LIMS2: variants seen among roughly 807,000 people sequenced by gnomAD.
The protein encoded by LIMS2 is LIM zinc finger domain containing 2.
In LIMS2, 30 loss-of-function variants were observed where a neutral mutation model predicts 45.3. That is an observed-to-expected ratio of 0.66 (90% CI 0.50 to 0.90). The LOEUF is 0.90. LIMS2 is among the 40% of genes least tolerant of loss of function. The pLI, the probability that LIMS2 is intolerant of heterozygous loss-of-function variation, is 0.00. For missense variants in LIMS2, 485 were observed against 468.7 expected, an observed-to-expected ratio of 1.03 and a Z score of -0.32; for synonymous variants, 173 against 188.0, an observed-to-expected ratio of 0.92 and a Z score of 0.65.
chr2:127,655,212 A>G, intron 2 of LIMS2: 1 of 479,264 alleles, frequency 2.1e-6, no homozygotes, highest in Non-Finnish European at 3.8e-6. Flanking sequence ...GGCGGTTTTA[A>G]GCCAGGAGGG....
chr2:127,667,584 G>A lies in LIMS2; in HGVS notation c.11+7430C>T, dbSNP rs897850127. On this transcript the variant is annotated intron_variant, in intron 1 of 9. Transcript: ENST00000355119. This position sits in a 1 kb window ranked among gnomAD's most constrained non-coding sequence, Gnocchi z 4.1. ...ATATACCATATCAATAGAATATAGG[G>A]AGGACACTCTATGACCATCTCAACA... Among the ~76,000 whole-genome samples the A allele has an allele frequency of 4.6e-5, 7 of 152,182 alleles. No individual in the cohort carries two copies. The highest frequency in any genetic ancestry group is 1.4e-4 in the African/African-American group (6 of 41,432).
chr2:127,643,932 T>C (rs1682685035), intron 4 of LIMS2: 1 of 414,256 alleles, frequency 2.4e-6, no homozygotes, highest in African/African-American at 2.0e-5. Context: ...ACGCCCAGTG[T>C]TGGCCCCTCT....
In LIMS2 at chr2:127,657,508, G is replaced by C. The variant is rs774372976; in HGVS notation, c.66C>G (p.Phe22Leu). The C allele has an allele frequency of 1.2e-6, 2 of 1,613,074 alleles. No individual in the cohort carries two copies. The highest frequency in any genetic ancestry group is 4.5e-5 in the East Asian group (2 of 44,888). ...TGTTGACAATGCGCTCGGCGGGGGA[G>C]AAGCGGGCCTGGCAGCGCTGGCACA... Reference protein sequence around the residue: ...NAVCQRCQARFSPAERIVNSN... With the variant: ...NAVCQRCQARLSPAERIVNSN... Residue 22 changes from phenylalanine (F) to leucine (L), a missense_variant, in exon 2 of 10, where the codon TTC (phenylalanine) becomes TTG (leucine). Phe to Leu is a conservative substitution (Grantham distance 22). Coordinates refer to ENST00000355119, the MANE Select transcript of LIMS2 (RefSeq NM_001161403.3).
chr2:127,654,935 T>C (rs751788605), intron 2 of LIMS2, 39 bp from the exon 3 acceptor site: 1 of 1,587,566 alleles, frequency 6.3e-7, no homozygotes, highest in Non-Finnish European at 8.6e-7. Flanking sequence ...GCAAACCACC[T>C]ATCATCCCCA....
chr2:127,650,707 T>A (rs775068222), intron 4 of LIMS2: 1 of 1,587,634 alleles, frequency 6.3e-7, no homozygotes, highest in South Asian at 1.1e-5. Flanking sequence ...GTTTGCTTGT[T>A]CCCTCCAGGC....
intron 6 of LIMS2, chr2:127,641,270 C>CCGGCG: frequency 3.3e-6 from 1 of 307,274 alleles, no homozygotes; most frequent in Non-Finnish European, 6.2e-6. Context: ...CCTTGTGAGT[C>CCGGCG]ACCATCCCCT....
rs762411046 is a variant in LIMS2, at chr2:127,654,792, C to T, written c.238+38G>A. 6 of 1,606,724 alleles carry T rather than the reference C, an allele frequency of 3.7e-6. No homozygotes were observed. In the South Asian group the frequency reaches 6.6e-5, roughly 18 times the overall value. On this transcript the variant is annotated intron_variant, in intron 3 of 9. Transcript: ENST00000355119. ...TGCCCCCCGCCACTGCTGCCCACTT[C>T]CCAGGCAGCCCAGGATGTGTACTGT...
Position 127,649,446 on chromosome 2 carries a change from G to A in LIMS2, c.359+4978C>T, listed in dbSNP as rs566387858. ...GATGGTGGATACTGGGAAGCCAGGT[G>A]CCCAGAGGAGCCCCAGAAGCTGTGC... On this transcript the variant is annotated intron_variant, in intron 4 of 9. Transcript: ENST00000355119. 1.6e-3 allele frequency among the ~76,000 whole-genome samples: 251 copies of A among 152,356 alleles called. 3 individuals are homozygous for A. Among genetic ancestry groups the A allele is most frequent in the African/African-American group, 5.7e-3 (237 of 41,590 alleles).
At chr2:127,673,583 G>T in intron 1 of LIMS2, 1 of 1,265,038 alleles carries the variant, frequency 7.9e-7, no homozygotes, top group Non-Finnish European at 1.1e-6. Flanking sequence ...AGGGAGCAGT[G>T]GCACCTCGGG....
intron 1 of LIMS2, chr2:127,673,724 T>C: frequency 6.4e-7 from 1 of 1,551,476 alleles, no homozygotes; most frequent in East Asian, 2.4e-5. Context: ...CCTGTTCCTG[T>C]CTCTCCCCAC....
At chr2:127,644,745 G>C (rs1296953940) in intron 4 of LIMS2, among the ~76,000 whole-genome samples, 1 of 152,204 alleles carries the variant, frequency 6.6e-6, no homozygotes, top group Non-Finnish European at 1.5e-5. Flanking sequence ...AATAACAGAA[G>C]GTCTGTGAGC....
chr2:127,677,989 T>C (rs1685539030), upstream of LIMS2, among the ~76,000 whole-genome samples: 1 of 152,148 alleles, frequency 6.6e-6, no homozygotes, highest in South Asian at 2.1e-4. The surrounding 1 kb of genome is among the most constrained non-coding windows in gnomAD (Gnocchi z 5.0). Context: ...TTGTTAAAAC[T>C]CATGGAATAT....
rs1327649639 is a variant in LIMS2, at chr2:127,639,171, A to G, written c.*110T>C. ...GGGAGAAGGCAATGAGGAAAGAGAA[A>G]GGGAGGGTAAGATGCGGAGGGCACA... On this transcript the variant is annotated 3_prime_UTR_variant, in exon 10 of 10. Coordinates refer to ENST00000355119, the MANE Select transcript of LIMS2 (RefSeq NM_001161403.3). 1.2e-5 allele frequency: 14 copies of G among 1,134,782 alleles called. No individual in the cohort carries two copies. Among genetic ancestry groups the G allele is most frequent in the Non-Finnish European group, 1.8e-5 (14 of 789,478 alleles). 70.3% of individuals were successfully genotyped at this position (1,134,782 alleles called of 1,614,324 possible).
chr2:127,660,192 C>G (rs1684526011), intron 1 of LIMS2, among the ~76,000 whole-genome samples: 1 of 152,198 alleles, frequency 6.6e-6, no homozygotes. Context: ...TTGGTAAAAA[C>G]TGACCAATCA....
intron 1 of LIMS2, among the ~76,000 whole-genome samples, chr2:127,663,352 G>T (rs530694383): frequency 6.6e-6 from 1 of 152,190 alleles, no homozygotes; most frequent in Non-Finnish European, 1.5e-5. Context: ...CAGCACAAGC[G>T]GGAGCCCAGC....
At chr2:127,665,691 T>G (rs1558899594) in intron 1 of LIMS2, among the ~76,000 whole-genome samples, 1 of 152,102 alleles carries the variant, frequency 6.6e-6, no homozygotes. Context: ...ACACCGAAAA[T>G]GTTCTTAACA....
Position 127,639,268 on chromosome 2 carries a change from C to T in LIMS2, c.*13G>A, listed in dbSNP as rs777006114. ...AGGCGGAGGGGCCGAGAGGCAGCTGCGCAAGAGGGCCTTCAGGCAGAGTTG... is the reference window on the plus strand; with the variant it reads ...AGGCGGAGGGGCCGAGAGGCAGCTGTGCAAGAGGGCCTTCAGGCAGAGTTG... On this transcript the variant is annotated 3_prime_UTR_variant, in exon 10 of 10. Coordinates refer to ENST00000355119, the MANE Select transcript of LIMS2 (RefSeq NM_001161403.3). The T allele has an allele frequency of 6.8e-6, 11 of 1,612,254 alleles. No individual in the cohort carries two copies. The highest frequency in any genetic ancestry group is 1.7e-4 in the Middle Eastern group (1 of 6,014).
Position 127,639,290 on chromosome 2 carries a change from G to A in LIMS2, c.1017C>T (p.Asn339=). 1.2e-6 allele frequency: 2 copies of A among 1,613,710 alleles called. No homozygotes were observed. The highest frequency in any genetic ancestry group is 1.7e-6 in the Non-Finnish European group (2 of 1,179,846). ...RKAQPKATDL[N]SA is the part of the protein sequence containing the mutation. ...CTGCGCAAGAGGGCCTTCAGGCAGA[G>A]TTGAGGTCTGTGGCCTTGGGCTGGG... Residue 339 remains asparagine, a synonymous_variant, in exon 10 of 10, where the codon AAC becomes AAT. Coordinates refer to ENST00000355119, the MANE Select transcript of LIMS2 (RefSeq NM_001161403.3).
Position 127,641,909 on chromosome 2 carries a change from A to G in LIMS2, c.660+140T>C, listed in dbSNP as rs1682449988. 4.1e-6 allele frequency: 4 copies of G among 986,278 alleles called. No homozygotes were observed. In the African/African-American group the frequency reaches 6.7e-5, roughly 16 times the overall value. The allele number at this position is 986,278 out of a possible 1,614,324, so 61.1% of individuals were successfully genotyped here. A position where few individuals can be genotyped will look rare whatever the true frequency, so the allele number is the denominator to read the frequency against. On this transcript the variant is annotated intron_variant, in intron 6 of 9. Transcript: ENST00000355119. The stretch of plus-strand genomic sequence containing the variant: ...TCCCTGGCTGAGCACAGGGAGGGGC[A>G]GTACCCCTGAGGAAGGGCCTCGTTG...
Sources: allele counts gnomAD v4.1 joint callset (sites outside exome capture counted in the v4.1 genomes callset), GRCh38; gene constraint gnomAD v4.1.1; non-coding constraint Gnocchi (gnomAD v3.1); transcripts MANE v1.5; gene names NCBI Gene and HGNC (gene_info 2026-07-23, HGNC 2026-07-21).